Variants in B9D1 observed in about 807,000 individuals in gnomAD.
The protein encoded by B9D1 is B9 domain-containing protein 1.
In B9D1, 20 loss-of-function variants were observed where a neutral mutation model predicts 26.1. That is an observed-to-expected ratio of 0.77 (90% CI 0.54 to 1.12). B9D1 has a LOEUF of 1.12. Ranked by LOEUF, B9D1 falls within the 50% of genes most tolerant of loss-of-function variation. B9D1 has a pLI of 0.00. For synonymous variants in B9D1, 105 were observed against 103.1 expected (o/e 1.02, Z -0.11); for missense variants, 260 against 273.7 (o/e 0.95, Z 0.35).
chr17:19,357,007 A>G (rs1910444292), intron 3 of B9D1, among the ~76,000 whole-genome samples: 1 of 152,238 alleles, frequency 6.6e-6, no homozygotes. Context: ...GACCCTCCAC[A>G]CCGTGGTAAG....
Position 19,362,589 on chromosome 17 carries a change from G to A in B9D1, c.-20C>T, listed in dbSNP as rs772617090. ...CGCCATGGCAGGTCTGGGGGTGCCGGGGGGACCCACCTAGGCCGCGCGCGG... is the reference window on the plus strand; with the variant it reads ...CGCCATGGCAGGTCTGGGGGTGCCGAGGGGACCCACCTAGGCCGCGCGCGG... On this transcript the variant is annotated 5_prime_UTR_variant, in exon 1 of 7. Transcript: ENST00000261499. 17 of 1,586,270 alleles carry A rather than the reference G, an allele frequency of 1.1e-5. No homozygotes were observed. Among genetic ancestry groups the A allele is most frequent in the Non-Finnish European group, 9.4e-6 (11 of 1,166,214 alleles).
downstream of B9D1, chr17:19,335,537 G>A: frequency 2.0e-6 from 3 of 1,497,876 alleles, no homozygotes; most frequent in Non-Finnish European, 2.7e-6. Context: ...ATGTGGAAAT[G>A]GCAGTTGTCC....
intron 3 of B9D1, among the ~76,000 whole-genome samples, chr17:19,354,687 G>T (rs886382963): frequency 2.6e-5 from 4 of 152,058 alleles, no homozygotes; most frequent in African/African-American, 9.7e-5. Context: ...AATTAGCCAG[G>T]CATGGTGGCA....
At position 19,357,835 on chromosome 17, in the gene B9D1, C is replaced by T; in HGVS notation, c.244+5G>A. 6.2e-7 allele frequency: 1 copy of T among 1,610,750 alleles called. No individual in the cohort carries two copies. The highest frequency in any genetic ancestry group is 8.5e-7 in the Non-Finnish European group (1 of 1,177,296). On this transcript the variant is annotated splice_donor_5th_base_variant and intron_variant, in intron 3 of 6. Transcript: ENST00000261499. ...CCCTACCCCACAGGGCCCCTGCAGA[C>T]TCACAGCCGTAGGGGTTGGTGCTTT...
intron 6 of B9D1, 69 bp from the exon 7 acceptor site, chr17:19,343,530 T>G (rs889219393): frequency 6.2e-7 from 1 of 1,608,720 alleles, no homozygotes; most frequent in African/African-American, 1.3e-5. Flanking sequence ...GATCTGGGAA[T>G]CTCAGCCTCA....
In B9D1 at chr17:19,362,706, A is replaced by C. The variant is rs755870626; in HGVS notation, c.-137T>G. On this transcript the variant is annotated 5_prime_UTR_variant, in exon 1 of 7. Transcript: ENST00000261499. ...GCGACACCTTCGCGAAGGCCACGCG[A>C]GTGCGCGTGTGGCATGCGCAGGCGC... 7.0e-7 allele frequency: 1 copy of C among 1,424,836 alleles called. No individual in the cohort carries two copies. The allele number at this position is 1,424,836 out of a possible 1,614,324, so 88.3% of individuals were successfully genotyped here. A position where few individuals can be genotyped will look rare whatever the true frequency, so the allele number is the denominator to read the frequency against.
At chr17:19,374,472 G>C (rs563602767) in intron 1 of B9D1, among the ~76,000 whole-genome samples, 1 of 152,172 alleles carries the variant, frequency 6.6e-6, no homozygotes, top group Non-Finnish European at 1.5e-5. Flanking sequence ...AATCTCTAAG[G>C]ATAGAAATTT....
chr17:19,341,361 G>A, downstream of B9D1: 1 of 1,217,176 alleles, frequency 8.2e-7, no homozygotes, highest in African/African-American at 1.6e-5. Context: ...AGGAGCAGCT[G>A]AGGGTGCTGG....
downstream of B9D1, chr17:19,335,499 A>AGATC (rs1371488604): frequency 1.3e-6 from 2 of 1,542,382 alleles, no homozygotes; most frequent in East Asian, 4.9e-5. Context: ...CTCTGTCTTA[A>AGATC]TCCACGCTCA....
chr17:19,360,414 T>G (rs1463530813), intron 1 of B9D1, 26 bp from the exon 2 acceptor site: 1 of 1,606,994 alleles, frequency 6.2e-7, no homozygotes, highest in Non-Finnish European at 8.5e-7. Flanking sequence ...ACAGATTCTG[T>G]CGACTGGTAT....
chr17:19,358,073 G>A, intron 2 of B9D1, 122 bp from the exon 3 acceptor site: 6 of 736,044 alleles, frequency 8.2e-6, no homozygotes, highest in South Asian at 2.9e-5. Flanking sequence ...CCCAAGACAC[G>A]AACTTCCAAA....
At chr17:19,349,194 C>A (rs563019210) in intron 3 of B9D1, among the ~76,000 whole-genome samples, 1 of 152,274 alleles carries the variant, frequency 6.6e-6, no homozygotes, top group Admixed American at 6.5e-5. Context: ...TTTGAGCCGT[C>A]CTAGTGAGAG....
upstream of B9D1, among the ~76,000 whole-genome samples, chr17:19,366,880 G>A (rs1027272021): frequency 1.3e-4 from 20 of 152,262 alleles, no homozygotes; most frequent in African/African-American, 4.3e-4. Context: ...GTATGCCTGC[G>A]GTTCTAGGTG....
chr17:19,360,896 C>A (rs1910966702), intron 1 of B9D1, among the ~76,000 whole-genome samples: 1 of 152,146 alleles, frequency 6.6e-6, no homozygotes, highest in African/African-American at 2.4e-5. Context: ...AGTCCGTGGC[C>A]TGTTAGGAAC....
chr17:19,342,900 C>T (rs1908137751), downstream of B9D1, among the ~76,000 whole-genome samples: 1 of 152,210 alleles, frequency 6.6e-6, no homozygotes, highest in African/African-American at 2.4e-5. Flanking sequence ...TACTTAACCC[C>T]AAGCCTCTAA....
intron 5 of B9D1, among the ~76,000 whole-genome samples, chr17:19,345,573 A>C (rs1203169483): frequency 1.3e-5 from 2 of 152,190 alleles, no homozygotes; most frequent in African/African-American, 2.4e-5. Context: ...CAAGCCAAGG[A>C]AGGCTGGGGC....
At chr17:19,335,601 C>T, downstream of B9D1, 1 of 821,236 alleles carries the variant, frequency 1.2e-6, no homozygotes, top group Non-Finnish European at 1.8e-6. Context: ...GGGCAACAGT[C>T]CCTAGGCTAA....
chr17:19,352,018 T>C (rs919112348), intron 3 of B9D1, among the ~76,000 whole-genome samples: 4 of 152,138 alleles, frequency 2.6e-5, no homozygotes, highest in African/African-American at 9.7e-5. Context: ...CCCGAGTAGC[T>C]GGGACTACAG....
upstream of B9D1, among the ~76,000 whole-genome samples, chr17:19,366,791 CAA>C (rs530664905): frequency 2.5e-4 from 38 of 152,326 alleles, no homozygotes; most frequent in South Asian, 7.9e-3. Flanking sequence ...ACAAATGGTG[CAA>C]AGTCAATACC....
Sources: allele counts gnomAD v4.1 joint callset (sites outside exome capture counted in the v4.1 genomes callset), GRCh38; gene constraint gnomAD v4.1.1; transcripts MANE v1.5; gene names NCBI Gene and HGNC (gene_info 2026-07-23, HGNC 2026-07-21).